KCNH5: variants seen among roughly 807,000 people sequenced by gnomAD.
KCNH5 encodes the protein voltage-gated delayed rectifier potassium channel KCNH5.
Under a neutral mutation model 96.1 loss-of-function variants are expected in KCNH5, and 46 were observed. That is an observed-to-expected ratio of 0.48 (90% CI 0.38 to 0.61). The LOEUF is 0.61. Ranked by LOEUF, KCNH5 falls within the 20% of genes least tolerant of loss-of-function variation. The pLI is 0.00. For missense variants in KCNH5, 907 were observed against 1,225.8 expected (o/e 0.74, Z 3.88); for synonymous variants, 439 against 449.8 (o/e 0.98, Z 0.30).
chr14:62,975,846 T>C (rs1488656044), intron 6 of KCNH5, among the ~76,000 whole-genome samples: 2 of 152,138 alleles, frequency 1.3e-5, no homozygotes, highest in Admixed American at 6.5e-5. Flanking sequence ...TCACAATCAA[T>C]GTAAACAGAT....
chr14:62,980,810 T>C (rs1890590907), intron 6 of KCNH5, 62 bp downstream of exon 6: 5 of 1,532,610 alleles, frequency 3.3e-6, no homozygotes, highest in Non-Finnish European at 3.5e-6. Context: ...GGAATCCATT[T>C]ATCCTGATGT....
intron 10 of KCNH5, among the ~76,000 whole-genome samples, chr14:62,733,458 G>C (rs1885093189): frequency 6.6e-6 from 1 of 152,080 alleles, no homozygotes; most frequent in East Asian, 1.9e-4. Flanking sequence ...CTTGATCTTA[G>C]ACTTCTCAGC....
chr14:62,740,931 T>C (rs962876553), intron 10 of KCNH5, among the ~76,000 whole-genome samples: 1 of 152,184 alleles, frequency 6.6e-6, no homozygotes, highest in Non-Finnish European at 1.5e-5. Flanking sequence ...TTCCATTATT[T>C]AGTTAACTAA....
At chr14:62,904,846 A>C (rs1888996982) in intron 7 of KCNH5, among the ~76,000 whole-genome samples, 1 of 152,198 alleles carries the variant, frequency 6.6e-6, no homozygotes, top group Non-Finnish European at 1.5e-5. Context: ...TGACTTCTCT[A>C]AACCCTACCA....
chr14:62,814,977 G>A (rs774552685), intron 8 of KCNH5, among the ~76,000 whole-genome samples: 2 of 151,922 alleles, frequency 1.3e-5, no homozygotes, highest in Non-Finnish European at 2.9e-5. Context: ...GAACTACAGT[G>A]GGTATAGCAT....
chr14:62,962,973 T>C (rs193203176), intron 6 of KCNH5, among the ~76,000 whole-genome samples: 83 of 152,262 alleles, frequency 5.5e-4, no homozygotes, highest in African/African-American at 1.9e-3. Flanking sequence ...CAGGATCACC[T>C]GAAGAATGTA....
intron 7 of KCNH5, among the ~76,000 whole-genome samples, chr14:62,864,635 C>T (rs527874451): frequency 3.3e-5 from 5 of 152,254 alleles, no homozygotes; most frequent in East Asian, 1.9e-4. Flanking sequence ...GTGATGGTAA[C>T]AGATGTTTAT....
At chr14:63,038,495 A>T (rs1172841835) in intron 1 of KCNH5, among the ~76,000 whole-genome samples, 2 of 152,138 alleles carry the variant, frequency 1.3e-5, no homozygotes, top group Non-Finnish European at 2.9e-5. Context: ...ATGGGACCAG[A>T]CCCAAAGAGA....
intron 1 of KCNH5, among the ~76,000 whole-genome samples, chr14:63,029,143 G>C (rs749211784): frequency 1.2e-4 from 18 of 152,196 alleles, no homozygotes; most frequent in Non-Finnish European, 2.1e-4. Context: ...ATTTCTGAAC[G>C]TTTTATAAAA....
At chr14:63,001,505 G>A in intron 3 of KCNH5, 46 bp from the exon 4 acceptor site, 1 of 1,554,978 alleles carries the variant, frequency 6.4e-7, no homozygotes, top group Non-Finnish European at 8.7e-7. Flanking sequence ...GTGTGGCACG[G>A]CCACAGCAGT....
At chr14:62,885,532 A>G (rs946913557) in intron 7 of KCNH5, among the ~76,000 whole-genome samples, 2 of 152,338 alleles carry the variant, frequency 1.3e-5, no homozygotes, top group East Asian at 3.9e-4. Flanking sequence ...ACTTTTAAAT[A>G]TTTAAAGGAC....
intron 10 of KCNH5, among the ~76,000 whole-genome samples, chr14:62,733,517 A>G (rs1885094269): frequency 6.6e-6 from 1 of 152,178 alleles, no homozygotes; most frequent in African/African-American, 2.4e-5. Flanking sequence ...AACCCCCAGT[A>G]TATGGCAATT....
chr14:62,995,123 T>C (rs1403461517), intron 4 of KCNH5, among the ~76,000 whole-genome samples: 1 of 152,056 alleles, frequency 6.6e-6, no homozygotes. Flanking sequence ...AGTGAGTCCA[T>C]TTATTTAAGT....
chr14:62,857,741 G>A (rs1887957607), intron 7 of KCNH5, among the ~76,000 whole-genome samples: 2 of 152,052 alleles, frequency 1.3e-5, no homozygotes, highest in South Asian at 4.2e-4. Flanking sequence ...ATTATGGGTG[G>A]GTCTACCCTT....
At chr14:62,885,508 T>C (rs950244775) in intron 7 of KCNH5, among the ~76,000 whole-genome samples, 5 of 152,256 alleles carry the variant, frequency 3.3e-5, no homozygotes, top group African/African-American at 9.6e-5. Context: ...CTACATACCA[T>C]ACTTGATGAC....
chr14:62,951,790 G>A (rs1014486977), intron 6 of KCNH5, among the ~76,000 whole-genome samples: 10 of 151,792 alleles, frequency 6.6e-5, no homozygotes, highest in East Asian at 5.8e-4. Context: ...GCAAAACCCT[G>A]TCTCTACTAA....
At chr14:62,708,558 T>G in intron 10 of KCNH5, 103 bp from the exon 11 acceptor site, 3 of 657,054 alleles carry the variant, frequency 4.6e-6, no homozygotes, top group Non-Finnish European at 7.2e-6. Flanking sequence ...AGAAAACCCT[T>G]GAATATTTGA....
Position 62,903,762 on chromosome 14 carries a change from A to C in KCNH5, c.1369+46371T>G, listed in dbSNP as rs573388233. On this transcript the variant is annotated intron_variant, in intron 7 of 10. Transcript: ENST00000322893. ...CCCAAGGAGATATCTAAAGAGAAAA[A>C]TAATGAATAGATATAGATGAAAGAA... is the stretch of plus-strand genomic sequence containing the variant. 1.4e-4 allele frequency among the ~76,000 whole-genome samples: 21 copies of C among 152,338 alleles called. No individual in the cohort carries two copies. In the South Asian group the frequency reaches 1.4e-3, roughly 11 times the overall value.
chr14:62,888,724 C>G (rs1216172950), intron 7 of KCNH5, among the ~76,000 whole-genome samples: 2 of 152,028 alleles, frequency 1.3e-5, no homozygotes, highest in Non-Finnish European at 2.9e-5. Context: ...ATAATAATAT[C>G]ATTATTATTT....
Sources: gnomAD v4.1 joint callset for allele counts (sites outside exome capture counted in the v4.1 genomes callset) on GRCh38, gnomAD v4.1.1 for gene constraint, MANE v1.5 for transcripts, NCBI Gene and HGNC (gene_info 2026-07-23, HGNC 2026-07-21) for gene names.